Variants in CAMK2B observed in about 807,000 individuals in gnomAD.
The protein encoded by CAMK2B is calcium/calmodulin-dependent protein kinase type II subunit beta.
A neutral mutation model predicts 93.7 loss-of-function variants in CAMK2B; 27 were observed. The ratio of observed to expected loss-of-function variants is 0.29; its 90% CI spans 0.21 to 0.40. CAMK2B has a LOEUF of 0.40. Among genes scored for constraint, CAMK2B ranks in the 10% least tolerant of loss-of-function variants. CAMK2B has a pLI of 1.00. For synonymous variants in CAMK2B, 374 were observed against 358.8 expected (o/e 1.04, Z -0.48); for missense variants, 568 against 895.8 (o/e 0.63, Z 4.67).
chr7:44,285,340 A>T (rs914277679), intron 1 of CAMK2B, among the ~76,000 whole-genome samples: 1 of 152,210 alleles, frequency 6.6e-6, no homozygotes, highest in African/African-American at 2.4e-5. Flanking sequence ...TGGGGCTGGG[A>T]GAAAGGGGGG....
intron 1 of CAMK2B, among the ~76,000 whole-genome samples, chr7:44,302,437 G>C (rs907158017): frequency 8.6e-5 from 13 of 151,856 alleles, no homozygotes; most frequent in African/African-American, 2.7e-4. Context: ...AACCAGACAA[G>C]GACATTATTT....
At chr7:44,244,852 C>A in intron 6 of CAMK2B, 1 of 442,046 alleles carries the variant, frequency 2.3e-6, no homozygotes. Context: ...CTTGACAAGG[C>A]AGCATTGGGG....
Position 44,325,516 on chromosome 7 carries a change from G to T in CAMK2B, c.-95C>A. 1 of 767,076 alleles carries T rather than the reference G, an allele frequency of 1.3e-6. No individual in the cohort carries two copies. Among genetic ancestry groups the T allele is most frequent in the Non-Finnish European group, 1.6e-6 (1 of 630,178 alleles). 47.5% of individuals were successfully genotyped at this position (767,076 alleles called of 1,614,324 possible). ...GGGCACGGCGGCGACACGGGCGCGG[G>T]CGCGGGAGACACCTCGGCTCGCGGC... On this transcript the variant is annotated 5_prime_UTR_variant, in exon 1 of 24. Transcript: ENST00000395749.
At chr7:44,298,439 G>A (rs572504671) in intron 1 of CAMK2B, among the ~76,000 whole-genome samples, 62 of 152,266 alleles carry the variant, frequency 4.1e-4, no homozygotes, top group South Asian at 1.2e-3. Flanking sequence ...AAAACACTTA[G>A]AAGAAAACAT....
intron 2 of CAMK2B, among the ~76,000 whole-genome samples, chr7:44,276,923 A>G (rs1271548844): frequency 6.6e-6 from 1 of 152,192 alleles, no homozygotes. Flanking sequence ...CGCTCAGCTC[A>G]GAGGGTGGGA....
At chr7:44,221,335 C>T (rs77410045) in intron 20 of CAMK2B, among the ~76,000 whole-genome samples, 1,909 of 152,328 alleles carry the variant, frequency 0.013, 14 homozygotes, top group Middle Eastern at 0.02. Context: ...CCACTCTCCT[C>T]CCGAGCCTTG....
intron 2 of CAMK2B, among the ~76,000 whole-genome samples, chr7:44,280,934 G>T (rs1309050012): frequency 6.6e-6 from 1 of 152,200 alleles, no homozygotes; most frequent in Non-Finnish European, 1.5e-5. Context: ...ATGAGGGGAA[G>T]GGGGTGCCTG....
At chr7:44,240,845 C>T (rs532354793) in intron 11 of CAMK2B, 96 bp from the exon 12 acceptor site, 1 of 1,313,020 alleles carries the variant, frequency 7.6e-7, no homozygotes, top group African/African-American at 1.5e-5. Context: ...CCCAGATGCT[C>T]AGCCTCATTG....
At chr7:44,292,089 G>A (rs1346421816) in intron 1 of CAMK2B, among the ~76,000 whole-genome samples, 2 of 152,184 alleles carry the variant, frequency 1.3e-5, no homozygotes, top group African/African-American at 4.8e-5. Context: ...ATTAGGGCTG[G>A]TTCCTTCCTA....
At chr7:44,270,261 G>A (rs915881678) in intron 2 of CAMK2B, among the ~76,000 whole-genome samples, 1 of 152,194 alleles carries the variant, frequency 6.6e-6, no homozygotes, top group Non-Finnish European at 1.5e-5. Context: ...GAGGGCACTG[G>A]GATGGTGCAC....
Position 44,258,929 on chromosome 7 carries a change from G to A in CAMK2B, c.221-3C>T. ...GGAGATGCTGTCGTGGAGACGCACT[G>A]TGGGGACAGAGAAGCCATGAGGGGC... On this transcript the variant is annotated splice_polypyrimidine_tract_variant and splice_region_variant and intron_variant, in intron 3 of 23. Coordinates refer to ENST00000395749, the MANE Select transcript of CAMK2B (RefSeq NM_001220.5). 2 of 1,613,634 alleles carry A rather than the reference G, an allele frequency of 1.2e-6. No homozygotes were observed. Among genetic ancestry groups the A allele is most frequent in the Non-Finnish European group, 1.7e-6 (2 of 1,179,764 alleles).
chr7:44,264,589 G>C (rs2096907568), intron 2 of CAMK2B, among the ~76,000 whole-genome samples: 1 of 152,212 alleles, frequency 6.6e-6, no homozygotes, highest in Non-Finnish European at 1.5e-5. Context: ...GTGGCATGGA[G>C]GGAGTCAGAC....
chr7:44,285,710 C>T (rs1211680410), intron 1 of CAMK2B, among the ~76,000 whole-genome samples: 5 of 151,352 alleles, frequency 3.3e-5, no homozygotes, highest in African/African-American at 4.9e-5. Flanking sequence ...TGTGCTTGGG[C>T]GGCCACTGAG....
intron 18 of CAMK2B, chr7:44,229,154 G>A (rs938188600): frequency 3.2e-6 from 2 of 626,620 alleles, no homozygotes; most frequent in Non-Finnish European, 5.8e-6. Context: ...AGCCTCCAGG[G>A]CCTCCCATCC....
chr7:44,313,394 T>G (rs1794053599), intron 1 of CAMK2B, among the ~76,000 whole-genome samples: 1 of 151,668 alleles, frequency 6.6e-6, no homozygotes, highest in South Asian at 2.1e-4. Flanking sequence ...CACCTCACAC[T>G]GCAGTAATGG....
intron 2 of CAMK2B, among the ~76,000 whole-genome samples, chr7:44,265,554 T>C (rs185929780): frequency 6.6e-6 from 1 of 152,348 alleles, no homozygotes; most frequent in East Asian, 1.9e-4. Flanking sequence ...AATAAAATCA[T>C]AAATCCAAAT....
chr7:44,315,937 G>A (rs1584930703), intron 1 of CAMK2B, among the ~76,000 whole-genome samples: 1 of 152,110 alleles, frequency 6.6e-6, no homozygotes, highest in South Asian at 2.1e-4. Context: ...TCATTTTTTA[G>A]TTCTAATAGT....
chr7:44,285,499 G>A (rs1784801944), intron 1 of CAMK2B, among the ~76,000 whole-genome samples: 2 of 152,204 alleles, frequency 1.3e-5, no homozygotes, highest in African/African-American at 4.8e-5. Flanking sequence ...TGGACAGCCT[G>A]AGAAACCCAC....
intron 22 of CAMK2B, 121 bp downstream of exon 22, chr7:44,220,495 C>A: frequency 1.0e-6 from 1 of 968,300 alleles, no homozygotes; most frequent in Non-Finnish European, 1.5e-6. Context: ...GGTGGCTGGC[C>A]AACCCTGGGC....
Sources: allele counts gnomAD v4.1 joint callset (sites outside exome capture counted in the v4.1 genomes callset), GRCh38; gene constraint gnomAD v4.1.1; transcripts MANE v1.5; gene names NCBI Gene and HGNC (gene_info 2026-07-23, HGNC 2026-07-21).